Variants in TLE2 observed in about 807,000 individuals in gnomAD.
The protein encoded by TLE2 is TLE family member 2, transcriptional corepressor, also known as transducin-like enhancer protein 2.
TLE2 carries 74 observed loss-of-function variants against 97.2 expected under a neutral mutation model. That is an observed-to-expected ratio of 0.76 (90% CI 0.63 to 0.92). The LOEUF (loss-of-function observed/expected upper bound fraction) is 0.92. Ranked by LOEUF, TLE2 falls within the 40% of genes least tolerant of loss-of-function variation. The probability of loss-of-function intolerance (pLI) is 0.00; values close to 1 mark genes in which losing one functional copy is unlikely to be tolerated. For missense variants in TLE2, 1,038 were observed against 1,008.7 expected (o/e 1.03, Z -0.39); for synonymous variants, 499 against 432.1 (o/e 1.15, Z -1.92).
upstream of TLE2, among the ~76,000 whole-genome samples, chr19:3,047,345 GC>G (rs1197089226): frequency 8.8e-6 from 1 of 113,814 alleles, no homozygotes; most frequent in Non-Finnish European, 1.9e-5. Context: ...ACCCGAGCAC[GC>G]CCCCCCAGGA....
At chr19:3,005,352 T>TGGA in intron 17 of TLE2, 85 bp downstream of exon 17, 1 of 1,528,484 alleles carries the variant, frequency 6.5e-7, no homozygotes. Flanking sequence ...CTGTCCTGCC[T>TGGA]CTGGAAGTGG....
chr19:3,005,609 C>T (rs1241882235), intron 16 of TLE2, 25 bp from the exon 17 acceptor site: 2 of 1,612,238 alleles, frequency 1.2e-6, no homozygotes, highest in African/African-American at 2.7e-5. Flanking sequence ...GCCCAGGCGT[C>T]CATCCTGGAA....
chr19:3,045,652 C>A (rs1388650805), intron 1 of TLE2: 3 of 390,082 alleles, frequency 7.7e-6, no homozygotes, highest in African/African-American at 2.1e-5. Flanking sequence ...CCACCCCCCA[C>A]CCCACCCCGT....
intron 2 of TLE2, 35 bp from the exon 3 acceptor site, chr19:3,028,417 C>A (rs1423501524): frequency 6.4e-7 from 1 of 1,566,164 alleles, no homozygotes; most frequent in South Asian, 1.2e-5. Context: ...GGCTCCCACC[C>A]GCCCCATGTG....
At chr19:3,016,371 T>C (rs1308016477) in intron 8 of TLE2, among the ~76,000 whole-genome samples, 18 of 141,162 alleles carry the variant, frequency 1.3e-4, no homozygotes, top group African/African-American at 4.2e-4. Context: ...GTCAGGAGAT[T>C]GAGACCATCC....
upstream of TLE2, among the ~76,000 whole-genome samples, chr19:3,032,244 GTTT>G (rs2090031181): frequency 6.8e-6 from 1 of 147,074 alleles, no homozygotes; most frequent in African/African-American, 2.5e-5. The surrounding 1 kb of genome is among the most constrained non-coding windows in gnomAD (Gnocchi z 4.1). Flanking sequence ...CGGTTTTTTT[GTTT>G]TTGTTTGTTT....
chr19:3,018,295 C>CATTTATTT (rs376936723), intron 7 of TLE2, among the ~76,000 whole-genome samples: 178 of 151,568 alleles, frequency 1.2e-3, no homozygotes, highest in African/African-American at 3.8e-3. Context: ...CCATGCTTGG[C>CATTTATTT]ATTTATTTAT....
chr19:3,033,189 A>G (rs1430578595), upstream of TLE2, among the ~76,000 whole-genome samples: 1 of 149,706 alleles, frequency 6.7e-6, no homozygotes, highest in Non-Finnish European at 1.5e-5. Flanking sequence ...TTTTTTTTTA[A>G]TGGAGTCTCA....
intron 17 of TLE2, among the ~76,000 whole-genome samples, chr19:3,003,378 CTGTAATCCCA>C (rs2089407981): frequency 6.6e-6 from 1 of 152,122 alleles, no homozygotes; most frequent in Non-Finnish European, 1.5e-5. Context: ...TGGCTCAGGC[CTGTAATCCCA>C]ACACTGTGGG....
chr19:3,012,636 T>A (rs539143680), intron 11 of TLE2, among the ~76,000 whole-genome samples: 7 of 152,210 alleles, frequency 4.6e-5, no homozygotes, highest in Admixed American at 3.9e-4. Context: ...ACTGCAATCC[T>A]CCTTGAGCCC....
chr19:3,030,917 C>T (rs1249499498), upstream of TLE2, among the ~76,000 whole-genome samples: 1 of 148,878 alleles, frequency 6.7e-6, no homozygotes, highest in Non-Finnish European at 1.5e-5. Context: ...CATCACTGCA[C>T]TCCAGCCTGG....
chr19:3,003,219 G>A (rs2089404171), intron 17 of TLE2, among the ~76,000 whole-genome samples: 1 of 152,168 alleles, frequency 6.6e-6, no homozygotes, highest in Non-Finnish European at 1.5e-5. Context: ...ACAGCACAGG[G>A]AGGAGGGAGA....
intron 5 of TLE2, among the ~76,000 whole-genome samples, chr19:3,023,143 C>A (rs1260120112): frequency 6.6e-6 from 1 of 151,860 alleles, no homozygotes; most frequent in African/African-American, 2.4e-5. Flanking sequence ...CAACCTCCAC[C>A]CCCCGGGTTC....
rs778436112 is a variant in TLE2, at chr19:3,002,475, T to C, written c.1925A>G (p.Gln642Arg). Residue 642 changes from glutamine to arginine, a missense_variant, in exon 18 of 20, where the codon CAG becomes CGG. By Grantham distance (43) the Gln-to-Arg change is conservative. Coordinates refer to ENST00000262953, the MANE Select transcript of TLE2 (RefSeq NM_003260.5). ...CTCCATTCCGACCGCCAGCCAGTCC[T>C]GGTTAGGGCAGTGGCCCAGGGAGAA... ...QIFSLGHCPN[Q>R]DWLAVGMESS... The C allele has an allele frequency of 1.9e-6, 3 of 1,594,454 alleles. No homozygotes were observed. The highest frequency in any genetic ancestry group is 2.6e-6 in the Non-Finnish European group (3 of 1,170,640).
intron 1 of TLE2, among the ~76,000 whole-genome samples, chr19:3,043,813 A>C (rs952252103): frequency 2.0e-5 from 3 of 151,138 alleles, no homozygotes; most frequent in African/African-American, 7.3e-5. Context: ...CCATCTCAAA[A>C]AAACAAAACA....
In TLE2 at chr19:3,019,417, G is replaced by A; in HGVS notation, c.416C>T (p.Thr139Ile). Residue 139 changes from threonine to isoleucine, a missense_variant, in exon 7 of 20, where the codon ACC becomes ATC. By Grantham distance (89) the Thr-to-Ile change is moderately conservative. Coordinates refer to ENST00000262953, the MANE Select transcript of TLE2 (RefSeq NM_003260.5). The surrounding 1 kb of genome is among the most constrained non-coding windows in gnomAD (Gnocchi z 5.1). ...LSHHAPPVPL[T>I]PRPAGLVGGS... ...GCCCACCAGCCCGGCTGGGCGGGGGGTGAGGGGCACAGGGGGTGCGTGGTG... is the reference window on the plus strand; with the variant it reads ...GCCCACCAGCCCGGCTGGGCGGGGGATGAGGGGCACAGGGGGTGCGTGGTG... The A allele has an allele frequency of 1.3e-6, 2 of 1,538,252 alleles. No homozygotes were observed. The highest frequency in any genetic ancestry group is 1.7e-6 in the Non-Finnish European group (2 of 1,147,600).
At chr19:3,032,944 T>G (rs1289909872), upstream of TLE2, among the ~76,000 whole-genome samples, 2 of 151,536 alleles carry the variant, frequency 1.3e-5, no homozygotes, top group Non-Finnish European at 2.9e-5. This position sits in a 1 kb window ranked among gnomAD's most constrained non-coding sequence, Gnocchi z 4.1. Context: ...GTTGGTTGTT[T>G]TTTTTTTTTG....
rs1173741771 is a variant in TLE2 at position 3,005,435 on chromosome 19, A to T, written c.1896+2T>A. ...CCCCCTCCTGCCAGAACCGAACAGC[A>T]CCTGGGAGCTGAAGTCATGCTGCTG... is the stretch of plus-strand genomic sequence containing the variant. On this transcript the variant is annotated splice_donor_variant, in intron 17 of 19. Transcript: ENST00000262953. LOFTEE classifies it high-confidence loss of function. 1 of 1,613,574 alleles carries T rather than the reference A, an allele frequency of 6.2e-7. No homozygotes were observed. The highest frequency in any genetic ancestry group is 1.1e-5 in the South Asian group (1 of 91,038).
At chr19:3,034,271 G>T (rs750708880), upstream of TLE2, among the ~76,000 whole-genome samples, 20 of 148,152 alleles carry the variant, frequency 1.3e-4, no homozygotes, top group Non-Finnish European at 2.1e-4. Flanking sequence ...CTGGACCACA[G>T]CCACCTCCTC....
Sources: allele counts gnomAD v4.1 joint callset (sites outside exome capture counted in the v4.1 genomes callset), GRCh38; gene constraint gnomAD v4.1.1; non-coding constraint Gnocchi (gnomAD v3.1); transcripts MANE v1.5; gene names NCBI Gene and HGNC (gene_info 2026-07-23, HGNC 2026-07-21).